The following FIRRM variants were observed in gnomAD, a reference collection of about 807,000 sequenced individuals.
FIRRM encodes the protein FIGNL1 interacting regulator of recombination and mitosis, also known as FIGNL1-interacting regulator of recombination and mitosis.
chr1:169,800,776 A>AGT, the FIRRM span: 1 of 484,694 alleles, frequency 2.1e-6, no homozygotes, highest in African/African-American at 2.1e-5. Context: ...GTATTTTGAA[A>AGT]GTGTATCAAG....
At chr1:169,810,834 ATTTTTTTTTTTTTTTTTT>A in the FIRRM span, among the ~76,000 whole-genome samples, 45 of 61,208 alleles carry the variant, frequency 7.4e-4, no homozygotes, top group East Asian at 2.7e-3. Context: ...TTAGCCCCCA[ATTTTTTTTTTTTTTTTTT>A]TTTTTTTTTT....
chr1:169,824,319 G>A, the FIRRM span, among the ~76,000 whole-genome samples: 4 of 152,184 alleles, frequency 2.6e-5, no homozygotes, highest in Non-Finnish European at 4.4e-5. Flanking sequence ...CTCTCTCACA[G>A]GCTCAGTGAC....
At chr1:169,841,689 A>G in the FIRRM span, among the ~76,000 whole-genome samples, 1 of 152,208 alleles carries the variant, frequency 6.6e-6, no homozygotes, top group Non-Finnish European at 1.5e-5. Flanking sequence ...AGGCATTTAA[A>G]ATTTTAAAAC....
At chr1:169,837,967 C>T in the FIRRM span, among the ~76,000 whole-genome samples, 15 of 152,036 alleles carry the variant, frequency 9.9e-5, no homozygotes, top group African/African-American at 3.1e-4. Flanking sequence ...GATGAGGTTT[C>T]GTTCTTATTG....
the FIRRM span, among the ~76,000 whole-genome samples, chr1:169,790,064 G>A: frequency 2.0e-5 from 3 of 152,212 alleles, no homozygotes; most frequent in South Asian, 2.1e-4. Context: ...AGAAAGCTGC[G>A]TATCTGTTTC....
At chr1:169,804,095 T>C in the FIRRM span, 3 of 1,514,590 alleles carry the variant, frequency 2.0e-6, no homozygotes, top group Non-Finnish European at 2.7e-6. Flanking sequence ...CTGTGTATTC[T>C]GGGTGTTTAC....
the FIRRM span, chr1:169,849,489 G>T: frequency 6.3e-7 from 1 of 1,594,582 alleles, no homozygotes. Context: ...AATAAGGCTT[G>T]GTTCTTTTAG....
At chr1:169,853,620 T>C in the FIRRM span, 1 of 1,347,890 alleles carries the variant, frequency 7.4e-7, no homozygotes, top group Non-Finnish European at 1.0e-6. Flanking sequence ...CAGGCCACTT[T>C]GGGGTTTTCT....
the FIRRM span, among the ~76,000 whole-genome samples, chr1:169,848,288 T>A: frequency 1.3e-5 from 2 of 152,168 alleles, no homozygotes; most frequent in Non-Finnish European, 2.9e-5. Context: ...CTACTGAATT[T>A]TAAAACCTCA....
the FIRRM span, among the ~76,000 whole-genome samples, chr1:169,799,313 C>G: frequency 1.3e-5 from 2 of 152,134 alleles, no homozygotes; most frequent in East Asian, 3.9e-4. Context: ...TTAGAAAATG[C>G]TTTCTAAATT....
the FIRRM span, chr1:169,803,959 CAATG>C: frequency 7.0e-6 from 4 of 567,490 alleles, no homozygotes; most frequent in Non-Finnish European, 5.6e-6. Context: ...GTTCACTAAA[CAATG>C]AATGAATATG....
the FIRRM span, chr1:169,800,955 C>G: frequency 6.3e-7 from 1 of 1,581,586 alleles, no homozygotes; most frequent in Non-Finnish European, 8.7e-7. Context: ...ACTTTCTTTT[C>G]ACAAGTGTTA....
At chr1:169,811,889 A>C in the FIRRM span, among the ~76,000 whole-genome samples, 2 of 147,986 alleles carry the variant, frequency 1.4e-5, no homozygotes, top group Non-Finnish European at 2.9e-5. Flanking sequence ...AGATAGATAG[A>C]TAGAGCTTGG....
the FIRRM span, chr1:169,823,593 A>G: frequency 1.8e-6 from 1 of 554,422 alleles, no homozygotes; most frequent in Non-Finnish European, 3.1e-6. Context: ...AGTAATTTTT[A>G]TCTGCTAGCT....
the FIRRM span, chr1:169,852,963 A>ACGTT: frequency 6.2e-7 from 1 of 1,614,060 alleles, no homozygotes; most frequent in East Asian, 2.2e-5. Context: ...ATAAGCTAAA[A>ACGTT]CGTTACATAC....
chr1:169,839,503 C>T, the FIRRM span, among the ~76,000 whole-genome samples: 1 of 151,998 alleles, frequency 6.6e-6, no homozygotes, highest in African/African-American at 2.4e-5. Flanking sequence ...TTGCATTTCC[C>T]TGATAGCTTT....
chr1:169,814,312 A>T, the FIRRM span, among the ~76,000 whole-genome samples: 1 of 152,254 alleles, frequency 6.6e-6, no homozygotes, highest in Non-Finnish European at 1.5e-5. Context: ...GTAAATATGC[A>T]GTATTAAATC....
chr1:169,824,590 T>A, the FIRRM span, among the ~76,000 whole-genome samples: 1 of 152,216 alleles, frequency 6.6e-6, no homozygotes, highest in African/African-American at 2.4e-5. Flanking sequence ...GTACCAACAC[T>A]TCATCAAAAT....
At chr1:169,847,938 C>G in the FIRRM span, 1 of 549,446 alleles carries the variant, frequency 1.8e-6, no homozygotes, top group Non-Finnish European at 3.2e-6. Flanking sequence ...ATGTTCCAGA[C>G]AGATTATAAA....
Sources: allele counts gnomAD v4.1 joint callset (sites outside exome capture counted in the v4.1 genomes callset), GRCh38; gene constraint gnomAD v4.1.1; transcripts MANE v1.5; gene names NCBI Gene and HGNC (gene_info 2026-07-23, HGNC 2026-07-21).